GPC6: variants seen among roughly 807,000 people sequenced by gnomAD.
GPC6 encodes the protein glypican-6.
A neutral mutation model predicts 55.2 loss-of-function variants in GPC6; 14 were observed. That is an observed-to-expected ratio of 0.25 (90% CI 0.17 to 0.40). The LOEUF (loss-of-function observed/expected upper bound fraction) is 0.40, where lower values mean the gene tolerates loss of function less well. GPC6 is among the 10% of genes least tolerant of loss of function. The probability of loss-of-function intolerance (pLI) is 1.00; values close to 1 mark genes in which losing one functional copy is unlikely to be tolerated. For synonymous variants in GPC6, 278 were observed against 259.6 expected (o/e 1.07, Z -0.68); for missense variants, 641 against 708.5 (o/e 0.90, Z 1.08).
intron 6 of GPC6, among the ~76,000 whole-genome samples, chr13:94,371,338 C>A (rs1475402644): frequency 6.6e-6 from 1 of 152,164 alleles, no homozygotes; most frequent in Non-Finnish European, 1.5e-5. Context: ...GATGCACACA[C>A]ACTCCTGTCA....
chr13:93,305,160 A>G (rs1040277730), intron 1 of GPC6, among the ~76,000 whole-genome samples: 1 of 152,116 alleles, frequency 6.6e-6, no homozygotes, highest in Non-Finnish European at 1.5e-5. Flanking sequence ...CAAGCAACCA[A>G]CAAGTATAAA....
chr13:93,543,623 G>C (rs1398567940), intron 1 of GPC6, among the ~76,000 whole-genome samples: 4 of 152,048 alleles, frequency 2.6e-5, no homozygotes, highest in Non-Finnish European at 5.9e-5. Flanking sequence ...TTGTACCTCT[G>C]GTAGAATTCG....
At chr13:93,755,457 C>G (rs940998299) in intron 2 of GPC6, among the ~76,000 whole-genome samples, 4 of 152,164 alleles carry the variant, frequency 2.6e-5, no homozygotes, top group African/African-American at 9.6e-5. Flanking sequence ...AATTTTAGAG[C>G]TCTGGAAAGG....
intron 2 of GPC6, among the ~76,000 whole-genome samples, chr13:93,825,860 C>A (rs144047086): frequency 2.1e-4 from 26 of 124,184 alleles, no homozygotes; most frequent in Non-Finnish European, 3.5e-4. Flanking sequence ...TTATTATTTT[C>A]TTTTTTTTTT....
At chr13:93,736,312 A>C (rs1372252081) in intron 2 of GPC6, among the ~76,000 whole-genome samples, 1 of 152,220 alleles carries the variant, frequency 6.6e-6, no homozygotes, top group Non-Finnish European at 1.5e-5. Flanking sequence ...CTCATCTCCT[A>C]AATATGTGTG....
intron 2 of GPC6, among the ~76,000 whole-genome samples, chr13:93,571,353 T>C (rs1422706095): frequency 6.6e-6 from 1 of 152,214 alleles, no homozygotes; most frequent in East Asian, 1.9e-4. Context: ...AAATTTAGAA[T>C]GTTTTCATTT....
chr13:94,236,207 C>T (rs1481968873), intron 4 of GPC6, among the ~76,000 whole-genome samples: 2 of 152,066 alleles, frequency 1.3e-5, no homozygotes, highest in Non-Finnish European at 2.9e-5. Context: ...TCCTCTGAGT[C>T]CCCCTATTAG....
chr13:94,346,026 G>A (rs1371415616), intron 6 of GPC6, among the ~76,000 whole-genome samples: 1 of 152,066 alleles, frequency 6.6e-6, no homozygotes, highest in Non-Finnish European at 1.5e-5. Context: ...TCCTTGGCTT[G>A]CAGCTGTAGC....
intron 2 of GPC6, among the ~76,000 whole-genome samples, chr13:93,576,195 C>T (rs1243292287): frequency 2.0e-5 from 3 of 151,920 alleles, no homozygotes; most frequent in Admixed American, 2.0e-4. Context: ...AATTGAATAA[C>T]ATTAATTTAG....
chr13:93,639,324 G>A (rs564071003), intron 2 of GPC6, among the ~76,000 whole-genome samples: 63 of 152,214 alleles, frequency 4.1e-4, no homozygotes, highest in African/African-American at 1.4e-3. Context: ...TCAAAGCACC[G>A]GTGTGGCTGC....
intron 2 of GPC6, among the ~76,000 whole-genome samples, chr13:93,829,026 C>A (rs1304855705): frequency 6.6e-6 from 1 of 152,078 alleles, no homozygotes; most frequent in Non-Finnish European, 1.5e-5. Flanking sequence ...TTAAAAAATT[C>A]CTGGAGCTTT....
chr13:94,043,079 T>A (rs778506324), intron 4 of GPC6, among the ~76,000 whole-genome samples: 6 of 151,782 alleles, frequency 4.0e-5, no homozygotes, highest in Non-Finnish European at 8.8e-5. Context: ...TCTGACATGG[T>A]CCCCATCATT....
At chr13:93,314,746 T>C (rs867105137) in intron 1 of GPC6, among the ~76,000 whole-genome samples, 6 of 119,492 alleles carry the variant, frequency 5.0e-5, no homozygotes, top group African/African-American at 1.2e-4. Context: ...TGTGTGTGTG[T>C]GTGTGTGTGT....
chr13:94,272,915 G>C (rs906824357), intron 4 of GPC6, among the ~76,000 whole-genome samples: 4 of 152,042 alleles, frequency 2.6e-5, no homozygotes, highest in Non-Finnish European at 4.4e-5. Flanking sequence ...GGCTCCTCGT[G>C]TCCCTGGAAC....
chr13:93,960,842 T>G (rs1168242903), intron 3 of GPC6, among the ~76,000 whole-genome samples: 1 of 149,626 alleles, frequency 6.7e-6, no homozygotes, highest in Non-Finnish European at 1.5e-5. Context: ...AGACAGAGTC[T>G]TGCTCTGTCG....
At chr13:94,234,348 G>T (rs1194828564) in intron 4 of GPC6, among the ~76,000 whole-genome samples, 1 of 152,010 alleles carries the variant, frequency 6.6e-6, no homozygotes, top group Non-Finnish European at 1.5e-5. Flanking sequence ...ATTAATACTA[G>T]GGTATCAATA....
chr13:93,774,914 G>A (rs1162972754), intron 2 of GPC6, among the ~76,000 whole-genome samples: 1 of 152,112 alleles, frequency 6.6e-6, no homozygotes, highest in Non-Finnish European at 1.5e-5. Context: ...TCTTTTACCA[G>A]AGAGCTCAGC....
intron 2 of GPC6, among the ~76,000 whole-genome samples, chr13:93,676,486 A>G (rs1421529923): frequency 1.3e-5 from 2 of 152,064 alleles, no homozygotes; most frequent in Non-Finnish European, 2.9e-5. Context: ...TGAGGAGCAA[A>G]TTCAAATGTG....
chr13:93,540,334 A>C (rs1882242174), intron 1 of GPC6, among the ~76,000 whole-genome samples: 1 of 152,174 alleles, frequency 6.6e-6, no homozygotes, highest in Non-Finnish European at 1.5e-5. Flanking sequence ...TATATCCATC[A>C]AGCAGCTTAA....
Sources: gnomAD v4.1 joint callset for allele counts (sites outside exome capture counted in the v4.1 genomes callset) on GRCh38, gnomAD v4.1.1 for gene constraint, MANE v1.5 for transcripts, NCBI Gene and HGNC (gene_info 2026-07-23, HGNC 2026-07-21) for gene names.